Variants in RECK observed in about 807,000 individuals in gnomAD.
The protein encoded by RECK is reversion inducing cysteine rich protein with kazal motifs.
A neutral mutation model predicts 115.1 loss-of-function variants in RECK; 69 were observed. The ratio of observed to expected loss-of-function variants is 0.60; its 90% CI spans 0.49 to 0.73. The LOEUF is 0.73. RECK is among the 30% of genes least tolerant of loss of function. The pLI, the probability that RECK is intolerant of heterozygous loss-of-function variation, is 0.00. For missense variants in RECK, 1,047 were observed against 1,203.7 expected, an observed-to-expected ratio of 0.87 and a Z score of 1.93; for synonymous variants, 414 against 419.7, an observed-to-expected ratio of 0.99 and a Z score of 0.17.
chr9:36,083,569 A>T lies in RECK; in HGVS notation c.637+7A>T. ...ATGAGGAACCCAACGGATAGTAAGT[A>T]AAAGGGACATATTCTTCTCATTTCA... On this transcript the variant is annotated splice_region_variant and intron_variant, in intron 8 of 20. Transcript: ENST00000377966. 6.2e-7 allele frequency: 1 copy of T among 1,610,314 alleles called. No individual in the cohort carries two copies. Among genetic ancestry groups the T allele is most frequent in the East Asian group, 2.2e-5 (1 of 44,818 alleles).
chr9:36,113,394 A>G lies in RECK; in HGVS notation c.2060+918A>G, dbSNP rs1022402143. Among the ~76,000 whole-genome samples the G allele has an allele frequency of 3.9e-5, 6 of 152,234 alleles. No homozygotes were observed. In the East Asian group the frequency reaches 1.2e-3, roughly 29 times the overall value. On this transcript the variant is annotated intron_variant, in intron 16 of 20. Transcript: ENST00000377966. ...ATTAGTCATCCATCTGCCAAATTTTATACAATGAAACTAATCCAAGAAAGT... is the reference window on the plus strand; with the variant it reads ...ATTAGTCATCCATCTGCCAAATTTTGTACAATGAAACTAATCCAAGAAAGT...
At chr9:36,060,252 T>C in intron 4 of RECK, 97 bp downstream of exon 4, 2 of 1,240,378 alleles carry the variant, frequency 1.6e-6, no homozygotes, top group Admixed American at 1.8e-5. Flanking sequence ...ATTTATACTC[T>C]GGAGTTTCTA....
intron 14 of RECK, among the ~76,000 whole-genome samples, chr9:36,109,747 G>A (rs967642722): frequency 6.6e-6 from 1 of 152,122 alleles, no homozygotes; most frequent in African/African-American, 2.4e-5. Flanking sequence ...GGGAAGCTGA[G>A]GTGGGAGGAT....
intron 9 of RECK, among the ~76,000 whole-genome samples, chr9:36,089,283 T>G (rs1823075570): frequency 6.6e-6 from 1 of 152,208 alleles, no homozygotes; most frequent in Admixed American, 6.5e-5. Context: ...AATGGCCGTG[T>G]TGTCCCAAAA....
At chr9:36,077,539 T>G (rs1393334498) in intron 6 of RECK, among the ~76,000 whole-genome samples, 2 of 152,158 alleles carry the variant, frequency 1.3e-5, no homozygotes, top group Non-Finnish European at 2.9e-5. Flanking sequence ...GCTGGTATAC[T>G]GGAATGAAGG....
chr9:36,114,405 C>T (rs1044101662), intron 16 of RECK, among the ~76,000 whole-genome samples: 6 of 152,320 alleles, frequency 3.9e-5, no homozygotes, highest in African/African-American at 1.4e-4. Context: ...AGTTTGATAA[C>T]ATGGTATAGG....
At chr9:36,076,064 C>G (rs1205544783) in intron 6 of RECK, among the ~76,000 whole-genome samples, 1 of 151,886 alleles carries the variant, frequency 6.6e-6, no homozygotes, top group East Asian at 1.9e-4. Context: ...TTTTCAAATC[C>G]AAAAGCCAAA....
rs147027096 is a variant in RECK, at chr9:36,118,831, G to A, written c.2328G>A (p.Ser776=). ...ACAGCAGTGTGTGTGCTGCCTACTC[G>A]GATCGCGTGGCAGTCGATTACTATG... is the stretch of plus-strand genomic sequence containing the variant. ...ETYSSVCAAY[S]DRVAVDYYGD... The change falls in exon 18 of 21, where the codon TCG becomes TCA. Residue 776 remains serine, a synonymous_variant. Transcript: ENST00000377966. 3.1e-4 allele frequency: 493 copies of A among 1,614,112 alleles called. 3 individuals carry two copies. Among genetic ancestry groups the A allele is most frequent in the African/African-American group, 2.7e-3 (201 of 75,040 alleles).
chr9:36,110,938 G>A (rs146959759), intron 15 of RECK, among the ~76,000 whole-genome samples: 1 of 152,172 alleles, frequency 6.6e-6, no homozygotes, highest in East Asian at 1.9e-4. Context: ...GAGGTAGGAC[G>A]AACACTACCC....
chr9:36,122,524 G>A (rs778177212), intron 20 of RECK, among the ~76,000 whole-genome samples: 1 of 151,758 alleles, frequency 6.6e-6, no homozygotes, highest in Non-Finnish European at 1.5e-5. Context: ...GGCTGGTCTC[G>A]AACTCCTGGG....
At chr9:36,110,811 GGTGGAGGAGAA>G (rs1824013125) in intron 15 of RECK, among the ~76,000 whole-genome samples, 2 of 151,728 alleles carry the variant, frequency 1.3e-5, no homozygotes, top group Admixed American at 1.3e-4. Flanking sequence ...GTGGGGGCCG[GGTGGAGGAGAA>G]GTGGAGGAGA....
intron 3 of RECK, among the ~76,000 whole-genome samples, chr9:36,059,427 G>A (rs1821670493): frequency 6.7e-6 from 1 of 148,822 alleles, no homozygotes; most frequent in Admixed American, 6.7e-5. Context: ...CTGCACTCCA[G>A]TCTGGGCAGC....
intron 2 of RECK, among the ~76,000 whole-genome samples, chr9:36,053,948 A>G (rs976473032): frequency 6.6e-6 from 1 of 152,178 alleles, no homozygotes; most frequent in Non-Finnish European, 1.5e-5. Flanking sequence ...TTTTATCTCT[A>G]GGCACACACT....
chr9:36,042,220 C>G (rs1049184108), intron 1 of RECK, among the ~76,000 whole-genome samples: 2 of 152,112 alleles, frequency 1.3e-5, no homozygotes, highest in Non-Finnish European at 2.9e-5. Flanking sequence ...TCTTCCCCTG[C>G]TGCCACCGAG....
At position 36,083,454 on chromosome 9, in the gene RECK, C is replaced by T; in HGVS notation, c.529C>T (p.Pro177Ser). ...TTTTCGAACAGACTCTTCTCCTGGT[C>T]CATCTCAGATAAAAGCAGTGGAAAA... is the stretch of plus-strand genomic sequence containing the variant. Reference protein sequence around the residue: ...AIFRTDSSPGPSQIKAVENYC... With the variant: ...AIFRTDSSPGSSQIKAVENYC... Residue 177 changes from proline (P) to serine (S), a missense_variant, in exon 8 of 21, where the codon CCA becomes TCA. Pro to Ser is a moderately conservative substitution (Grantham distance 74, BLOSUM62 -1). Coordinates refer to ENST00000377966, the MANE Select transcript of RECK (RefSeq NM_021111.3). The T allele has an allele frequency of 1.2e-6, 2 of 1,614,058 alleles. No individual in the cohort carries two copies. Among genetic ancestry groups the T allele is most frequent in the Non-Finnish European group, 1.7e-6 (2 of 1,179,974 alleles).
intron 1 of RECK, among the ~76,000 whole-genome samples, chr9:36,049,601 T>G (rs1488817345): frequency 6.6e-6 from 1 of 152,216 alleles, no homozygotes; most frequent in Non-Finnish European, 1.5e-5. Context: ...GGGCCACCGT[T>G]TGGGCAAGCT....
intron 2 of RECK, 103 bp from the exon 3 acceptor site, chr9:36,058,724 A>T: frequency 2.3e-6 from 1 of 443,596 alleles, no homozygotes; most frequent in Non-Finnish European, 3.8e-6. Context: ...AGGAAGTTGG[A>T]AAATATTCTA....
In RECK at chr9:36,100,341, C is replaced by A; in HGVS notation, c.1096C>A (p.Leu366Ile). The change falls in exon 11 of 21, where the codon CTT (leucine) becomes ATT (isoleucine). Residue 366 changes from leucine (L) to isoleucine (I), a missense_variant. Transcript: ENST00000377966. ...CTTTTTTCTCTTTAGGCCAACAGAA[C>A]TTTTCAGGAGTTGTAATGCACAGTC... ...CTNFNNRPTE[L>I]FRSCNAQSDQ... 1.2e-6 allele frequency: 2 copies of A among 1,613,820 alleles called. No homozygotes were observed. The highest frequency in any genetic ancestry group is 1.7e-6 in the Non-Finnish European group (2 of 1,179,838).
chr9:36,091,368 A>G (rs576082158), intron 10 of RECK, 25 bp downstream of exon 10: 1 of 1,378,644 alleles, frequency 7.3e-7, no homozygotes, highest in African/African-American at 1.5e-5. Flanking sequence ...TATACATGGA[A>G]TGGAAATATT....
Sources: gnomAD v4.1 joint callset for allele counts (sites outside exome capture counted in the v4.1 genomes callset) on GRCh38, gnomAD v4.1.1 for gene constraint, MANE v1.5 for transcripts, NCBI Gene and HGNC (gene_info 2026-07-23, HGNC 2026-07-21) for gene names.